Variants in CDH18 observed in about 807,000 individuals in gnomAD.
The protein encoded by CDH18 is cadherin 18.
In CDH18, 31 loss-of-function variants were observed where a neutral mutation model predicts 67.9. The ratio of observed to expected loss-of-function variants is 0.46; its 90% CI spans 0.34 to 0.62. The LOEUF (loss-of-function observed/expected upper bound fraction) is 0.62, where lower values mean the gene tolerates loss of function less well. Among genes scored for constraint, CDH18 ranks in the 20% least tolerant of loss-of-function variants. CDH18 has a pLI of 0.01. For synonymous variants in CDH18, 362 were observed against 347.2 expected, an observed-to-expected ratio of 1.04 and a Z score of -0.48; for missense variants, 890 against 975.5, an observed-to-expected ratio of 0.91 and a Z score of 1.17.
At chr5:19,598,282 G>A (rs1746490549) in intron 6 of CDH18, among the ~76,000 whole-genome samples, 1 of 152,072 alleles carries the variant, frequency 6.6e-6, no homozygotes, top group South Asian at 2.1e-4. Flanking sequence ...TTGTCCCTGT[G>A]GTTTCAACAT....
At chr5:19,763,779 C>A (rs1470337214) in intron 3 of CDH18, among the ~76,000 whole-genome samples, 1 of 151,704 alleles carries the variant, frequency 6.6e-6, no homozygotes, top group Non-Finnish European at 1.5e-5. Flanking sequence ...AGGGAGACCA[C>A]AAAAATATTG....
intron 1 of CDH18, among the ~76,000 whole-genome samples, chr5:20,343,924 GA>G (rs1740487533): frequency 6.6e-6 from 1 of 152,110 alleles, no homozygotes; most frequent in South Asian, 2.1e-4. Flanking sequence ...ATAACCAAAA[GA>G]AACAGATTAG....
intron 1 of CDH18, among the ~76,000 whole-genome samples, chr5:20,543,097 A>T (rs1757144490): frequency 6.6e-6 from 1 of 151,982 alleles, no homozygotes; most frequent in Admixed American, 6.6e-5. Context: ...ACCTCTTTTG[A>T]TAATTTAAAA....
intron 3 of CDH18, among the ~76,000 whole-genome samples, chr5:19,775,278 C>A (rs1211688227): frequency 1.3e-5 from 2 of 152,142 alleles, no homozygotes; most frequent in African/African-American, 4.8e-5. Context: ...GGAACATGTC[C>A]TTTACCAGCT....
At chr5:19,734,530 T>C (rs1241485423) in intron 4 of CDH18, among the ~76,000 whole-genome samples, 4 of 152,206 alleles carry the variant, frequency 2.6e-5, no homozygotes, top group Non-Finnish European at 4.4e-5. Flanking sequence ...GGCCTTATGG[T>C]AGAATAAAAA....
At chr5:20,522,211 CT>C (rs1755784589) in intron 1 of CDH18, among the ~76,000 whole-genome samples, 1 of 123,802 alleles carries the variant, frequency 8.1e-6, no homozygotes, top group Non-Finnish European at 1.9e-5. Context: ...CCTGCTGACA[CT>C]TTGATCTTGA....
At chr5:19,927,651 G>A (rs998736597) in intron 2 of CDH18, among the ~76,000 whole-genome samples, 4 of 151,974 alleles carry the variant, frequency 2.6e-5, no homozygotes, top group Non-Finnish European at 5.9e-5. Flanking sequence ...GTTACTGCAG[G>A]TCAGCTATTT....
intron 1 of CDH18, among the ~76,000 whole-genome samples, chr5:20,316,169 T>C (rs955960288): frequency 4.6e-5 from 7 of 152,282 alleles, no homozygotes; most frequent in South Asian, 4.1e-4. Flanking sequence ...ACTTCCAGTA[T>C]ATAATGATAA....
chr5:20,425,407 G>GA (rs1366377978), intron 1 of CDH18, among the ~76,000 whole-genome samples: 28 of 148,892 alleles, frequency 1.9e-4, no homozygotes, highest in Non-Finnish European at 3.3e-4. Flanking sequence ...ATAAACTCTA[G>GA]AAAAAAACAA....
chr5:19,819,225 T>C (rs1378416051), intron 3 of CDH18, among the ~76,000 whole-genome samples: 1 of 152,044 alleles, frequency 6.6e-6, no homozygotes, highest in African/African-American at 2.4e-5. Context: ...ATAAATCTAA[T>C]CATTGAGAAA....
chr5:19,995,337 TG>T (rs530328022), intron 2 of CDH18, among the ~76,000 whole-genome samples: 157 of 152,248 alleles, frequency 1.0e-3, no homozygotes, highest in African/African-American at 3.4e-3. Flanking sequence ...TATATAAACT[TG>T]TTTTTTTATC....
At chr5:20,296,088 C>T (rs1287268558) in intron 1 of CDH18, among the ~76,000 whole-genome samples, 1 of 150,584 alleles carries the variant, frequency 6.6e-6, no homozygotes. Context: ...GTTGGCCAGC[C>T]TGGTCTTGAA....
intron 1 of CDH18, among the ~76,000 whole-genome samples, chr5:20,278,548 G>A (rs1023934849): frequency 2.0e-5 from 3 of 152,060 alleles, no homozygotes; most frequent in Non-Finnish European, 2.9e-5. Flanking sequence ...AGATGTTAAT[G>A]AGCAATAAAA....
intron 5 of CDH18, among the ~76,000 whole-genome samples, chr5:19,622,036 A>G (rs1750797183): frequency 6.6e-6 from 1 of 152,144 alleles, no homozygotes; most frequent in South Asian, 2.1e-4. Context: ...TGAAAAAATA[A>G]GAAAGAAACA....
At chr5:20,365,181 C>G (rs547417524) in intron 1 of CDH18, among the ~76,000 whole-genome samples, 1 of 152,254 alleles carries the variant, frequency 6.6e-6, no homozygotes, top group African/African-American at 2.4e-5. Context: ...GAGACCTCTT[C>G]CTGGCTTGTA....
chr5:19,938,643 C>G (rs554286769), intron 2 of CDH18, among the ~76,000 whole-genome samples: 7 of 151,252 alleles, frequency 4.6e-5, no homozygotes, highest in Non-Finnish European at 8.9e-5. Flanking sequence ...ATGCTTTGTT[C>G]CTGAAATAAC....
intron 2 of CDH18, among the ~76,000 whole-genome samples, chr5:20,197,686 G>C (rs569734979): frequency 6.6e-6 from 1 of 152,288 alleles, no homozygotes; most frequent in East Asian, 1.9e-4. Flanking sequence ...GGAAAGATTA[G>C]AGTCAGAATA....
chr5:20,137,058 T>C (rs949594923), intron 2 of CDH18, among the ~76,000 whole-genome samples: 1 of 152,134 alleles, frequency 6.6e-6, no homozygotes, highest in African/African-American at 2.4e-5. Context: ...CAATTATGTG[T>C]CTTGGAGTTG....
rs576168028 is a variant in CDH18, at chr5:20,357,483, G to A, written c.-579-101978C>T. Among the ~76,000 whole-genome samples the A allele has an allele frequency of 2.6e-5, 4 of 152,196 alleles. No individual in the cohort carries two copies. In the South Asian group the frequency reaches 8.3e-4, roughly 32 times the overall value. On this transcript the variant is annotated intron_variant, in intron 1 of 14. Transcript: ENST00000507958. ...CTAAATAACTTTCTATTGTTATTAT[G>A]TTGAAACAAGGAAATTACATAAACA...
Sources: allele counts gnomAD v4.1 joint callset (sites outside exome capture counted in the v4.1 genomes callset), GRCh38; gene constraint gnomAD v4.1.1; transcripts MANE v1.5; gene names NCBI Gene and HGNC (gene_info 2026-07-23, HGNC 2026-07-21).